ATG3: variants seen among roughly 807,000 people sequenced by gnomAD.
ATG3 encodes the protein ubiquitin-like-conjugating enzyme ATG3.
In ATG3, 25 loss-of-function variants were observed where a neutral mutation model predicts 50.7. That is an observed-to-expected ratio of 0.49 (90% CI 0.36 to 0.69). The LOEUF (loss-of-function observed/expected upper bound fraction) is 0.69, where lower values mean the gene tolerates loss of function less well. Ranked by LOEUF, ATG3 falls within the 30% of genes least tolerant of loss-of-function variation. The pLI, the probability that ATG3 is intolerant of heterozygous loss-of-function variation, is 0.00. For missense variants in ATG3, 281 were observed against 376.0 expected (o/e 0.75, Z 2.09); for synonymous variants, 119 against 125.5 (o/e 0.95, Z 0.34).
At chr3:112,548,459 A>T in intron 5 of ATG3, 74 bp downstream of exon 5, 1 of 1,280,874 alleles carries the variant, frequency 7.8e-7, no homozygotes. Context: ...CTCTTTTTTA[A>T]ATCAAGGCTA....
chr3:112,553,979 C>T (rs1231491429), intron 2 of ATG3, among the ~76,000 whole-genome samples: 1 of 152,160 alleles, frequency 6.6e-6, no homozygotes, highest in Non-Finnish European at 1.5e-5. Flanking sequence ...TCTAAAAAAC[C>T]TTAGACTTCC....
Position 112,561,901 on chromosome 3 carries a change from G to A in ATG3, c.-373C>T. The A allele has an allele frequency of 4.1e-6, 1 of 246,710 alleles. No homozygotes were observed. Among genetic ancestry groups the A allele is most frequent in the Non-Finnish European group, 7.9e-6 (1 of 126,922 alleles). 15.3% of individuals were successfully genotyped at this position (246,710 alleles called of 1,614,324 possible). ...CTTTGCTTCACTCGCGCCCCTTCCG[G>A]CTTCCCTTCCTTCTCACTCTCTTGC... On this transcript the variant is annotated 5_prime_UTR_variant, in exon 1 of 12. Coordinates refer to ENST00000283290, the MANE Select transcript of ATG3 (RefSeq NM_022488.5).
rs181909199 is a variant in ATG3, at chr3:112,555,522, T to G, written c.115-2193A>C. The stretch of plus-strand genomic sequence containing the variant: ...AAGTCATACATACATCCAACATTAG[T>G]TTTTTCTTTGTTTTTTGACAATACA... On this transcript the variant is annotated intron_variant, in intron 2 of 11. Transcript: ENST00000283290. Among the ~76,000 whole-genome samples the G allele has an allele frequency of 1.4e-3, 217 of 152,310 alleles. 1 individual carries two copies. The highest frequency in any genetic ancestry group is 5.0e-3 in the African/African-American group (209 of 41,564).
intron 5 of ATG3, among the ~76,000 whole-genome samples, chr3:112,546,310 T>TGAC (rs1933367773): frequency 6.6e-6 from 1 of 152,142 alleles, no homozygotes; most frequent in Non-Finnish European, 1.5e-5. Flanking sequence ...ACGCTGTACA[T>TGAC]GACAGTCGAC....
chr3:112,533,223 T>C lies in ATG3; in HGVS notation c.864-443A>G, dbSNP rs1418564459. 4.1e-6 allele frequency: 4 copies of C among 985,314 alleles called. No individual in the cohort carries two copies. In the East Asian group the frequency reaches 4.5e-4, roughly 112 times the overall value. 61.0% of individuals were successfully genotyped at this position (985,314 alleles called of 1,614,324 possible). A position where few individuals can be genotyped will look rare whatever the true frequency, so the allele number is the denominator to read the frequency against. On this transcript the variant is annotated intron_variant, in intron 11 of 11. Coordinates refer to ENST00000283290, the MANE Select transcript of ATG3 (RefSeq NM_022488.5). ...ATAGTAGACTGATTCTAGGTTAGTGTATGTATTTGCCAAAGACTGAGCTCT... is the reference window on the plus strand; with the variant it reads ...ATAGTAGACTGATTCTAGGTTAGTGCATGTATTTGCCAAAGACTGAGCTCT...
At chr3:112,547,488 T>C (rs1037846416) in intron 5 of ATG3, among the ~76,000 whole-genome samples, 1 of 152,332 alleles carries the variant, frequency 6.6e-6, no homozygotes, top group African/African-American at 2.4e-5. Context: ...GTTTTTAGTA[T>C]CATGGATTTA....
intron 1 of ATG3, among the ~76,000 whole-genome samples, chr3:112,558,738 C>CTTTTT (rs879374413): frequency 7.1e-6 from 1 of 141,286 alleles, no homozygotes; most frequent in Non-Finnish European, 1.6e-5. Flanking sequence ...TAGAAACATT[C>CTTTTT]TTTTTTTTTT....
intron 7 of ATG3, among the ~76,000 whole-genome samples, chr3:112,540,416 G>A (rs933871059): frequency 6.6e-6 from 1 of 152,168 alleles, no homozygotes; most frequent in Non-Finnish European, 1.5e-5. Context: ...CTGCCTTACA[G>A]CCTTCAATGC....
chr3:112,539,359 C>G (rs1933162731), intron 7 of ATG3, among the ~76,000 whole-genome samples: 1 of 152,186 alleles, frequency 6.6e-6, no homozygotes, highest in Non-Finnish European at 1.5e-5. Flanking sequence ...CCTATCTGGA[C>G]ATAAGCATAC....
rs377733378 is a variant in ATG3 at position 112,550,156 on chromosome 3, C to T, written c.235+36G>A. On this transcript the variant is annotated intron_variant, in intron 4 of 11. Coordinates refer to ENST00000283290, the MANE Select transcript of ATG3 (RefSeq NM_022488.5). ...AGAGCTTCATTTTAATATACCTCTA[C>T]GCAAAATTTATTCATATATGCAACA... 8.1e-5 allele frequency: 121 copies of T among 1,496,792 alleles called. 4 individuals are homozygous for T. Among genetic ancestry groups the T allele is most frequent in the East Asian group, 6.5e-4 (28 of 43,250 alleles). 92.7% of individuals were successfully genotyped at this position (1,496,792 alleles called of 1,614,324 possible).
chr3:112,540,959 A>T (rs1933207393), intron 7 of ATG3, among the ~76,000 whole-genome samples: 1 of 152,228 alleles, frequency 6.6e-6, no homozygotes, highest in African/African-American at 2.4e-5. Flanking sequence ...ATGTGCTCAC[A>T]GACCCATACT....
At chr3:112,541,379 G>A (rs554344469) in intron 7 of ATG3, among the ~76,000 whole-genome samples, 4 of 149,582 alleles carry the variant, frequency 2.7e-5, no homozygotes, top group Admixed American at 6.7e-5. Context: ...GTGAGACTCC[G>A]TCTCAAAAAA....
In ATG3 at chr3:112,561,654, G is replaced by GGGGAC. The variant is rs1052716811; in HGVS notation, c.-131_-127dup. On this transcript the variant is annotated 5_prime_UTR_variant, in exon 1 of 12. Transcript: ENST00000283290. ...TCAGCACCCGGCTGGCAGCACCCGA[G>GGGGAC]GGGACGGGACGCGACGCGACGGGAC... 1.6e-4 allele frequency: 159 copies of GGGGAC among 988,496 alleles called. 1 individual carries two copies. In the East Asian group the frequency reaches 2.7e-3, roughly 17 times the overall value. The allele number at this position is 988,496 out of a possible 1,614,324, so 61.2% of individuals were successfully genotyped here.
rs556021012 is a variant in ATG3 at position 112,550,102 on chromosome 3, GA to G, written c.235+89del. 1.5e-3 allele frequency: 1,370 copies of G among 923,208 alleles called. 5 individuals are homozygous for G. The highest frequency in any genetic ancestry group is 6.7e-3 in the Middle Eastern group (26 of 3,868). The allele number at this position is 923,208 out of a possible 1,614,324, so 57.2% of individuals were successfully genotyped here. A position where few individuals can be genotyped will look rare whatever the true frequency, so the allele number is the denominator to read the frequency against. On this transcript the variant is annotated intron_variant, in intron 4 of 11. Transcript: ENST00000283290. ...AACAGAAAGAGGTGATAAAACTAAG[GA>G]AAAAATTTTCAAGCAATAGAAAAAC...
chr3:112,539,459 A>T (rs1374939828), intron 7 of ATG3, among the ~76,000 whole-genome samples: 2 of 152,122 alleles, frequency 1.3e-5, no homozygotes, highest in Non-Finnish European at 2.9e-5. Flanking sequence ...ACTTCCTTCC[A>T]GGCTTTATTT....
chr3:112,561,413 C>G (rs1203256278), intron 1 of ATG3, 44 bp downstream of exon 1: 2 of 1,596,458 alleles, frequency 1.3e-6, no homozygotes, highest in Non-Finnish European at 1.7e-6. Context: ...CCTGAAAAGT[C>G]GAGCATGTGC....
intron 4 of ATG3, among the ~76,000 whole-genome samples, 186 bp downstream of exon 4, chr3:112,550,006 A>G (rs1411787002): frequency 6.6e-6 from 1 of 152,174 alleles, no homozygotes; most frequent in Non-Finnish European, 1.5e-5. Flanking sequence ...AAATCCACTT[A>G]GAAGTCTAAC....
At chr3:112,536,920 C>CAAAAAA (rs56353465) in intron 9 of ATG3, among the ~76,000 whole-genome samples, 8 of 68,420 alleles carry the variant, frequency 1.2e-4, no homozygotes, top group African/African-American at 3.1e-4. Context: ...GACTCCATCT[C>CAAAAAA]AAAAAAAAAA....
chr3:112,561,449 T>G lies in ATG3; in HGVS notation c.72+8A>C. 7 of 1,612,500 alleles carry G rather than the reference T, an allele frequency of 4.3e-6. No homozygotes were observed. Among genetic ancestry groups the G allele is most frequent in the Non-Finnish European group, 5.1e-6 (6 of 1,179,340 alleles). On this transcript the variant is annotated splice_region_variant and intron_variant, in intron 1 of 11. Transcript: ENST00000283290. ...CTGACAGCTCCCGGCAACCCTGGCC[T>G]GGCTTACCTTGAGGACCGGGGTCAG... is the stretch of plus-strand genomic sequence containing the variant.
Sources: gnomAD v4.1 joint callset for allele counts (sites outside exome capture counted in the v4.1 genomes callset) on GRCh38, gnomAD v4.1.1 for gene constraint, MANE v1.5 for transcripts, NCBI Gene and HGNC (gene_info 2026-07-23, HGNC 2026-07-21) for gene names.